ZNF273: variants seen among roughly 807,000 people sequenced by gnomAD.
ZNF273 encodes the protein zinc finger protein 9.
In ZNF273, 11 loss-of-function variants were observed where a neutral mutation model predicts 14.9. The ratio of observed to expected loss-of-function variants is 0.74; its 90% CI spans 0.46 to 1.22. The LOEUF (loss-of-function observed/expected upper bound fraction) is 1.22. ZNF273 is among the 50% of genes most tolerant of loss of function. The pLI is 0.00. For synonymous variants in ZNF273, 199 were observed against 223.9 expected (o/e 0.89, Z 0.99); for missense variants, 577 against 660.6 (o/e 0.87, Z 1.39).
At chr7:64,925,610 G>A (rs985289763) in intron 3 of ZNF273, among the ~76,000 whole-genome samples, 4 of 152,016 alleles carry the variant, frequency 2.6e-5, no homozygotes, top group Non-Finnish European at 2.9e-5. Flanking sequence ...GCTAATTTTT[G>A]TATTTTTTTA....
chr7:64,934,755 T>G (rs1482095479), downstream of ZNF273, among the ~76,000 whole-genome samples: 2 of 147,974 alleles, frequency 1.4e-5, no homozygotes, highest in Non-Finnish European at 3.0e-5. Context: ...AACTTTAGTG[T>G]TTTTTTTTCT....
At position 64,927,802 on chromosome 7, in the gene ZNF273, GCACAAAA is replaced by G; in HGVS notation, c.475_481del (p.His159GlufsTer10). The G allele has an allele frequency of 3.1e-6, 5 of 1,613,922 alleles. No homozygotes were observed. The highest frequency in any genetic ancestry group is 1.3e-5 in the African/African-American group (1 of 75,028). ...GTAAAAGTGCGGATGAGCATAAGGT[GCACAAAA>G]GAGGTTATAATGGACTTAACCAATG... On this transcript the variant is annotated frameshift_variant, in exon 4 of 4. Coordinates refer to ENST00000476120, the MANE Select transcript of ZNF273 (RefSeq NM_021148.3). LOFTEE classifies it low-confidence loss of function (END_TRUNC).
chr7:64,884,663 G>A (rs920229355), downstream of ZNF273, among the ~76,000 whole-genome samples: 7 of 152,106 alleles, frequency 4.6e-5, no homozygotes, highest in Non-Finnish European at 1.0e-4. Flanking sequence ...GGGGTCTCAG[G>A]TATGATTCCA....
intron 2 of ZNF273, chr7:64,878,502 A>G (rs1032663665): frequency 6.6e-6 from 1 of 152,276 alleles, no homozygotes; most frequent in Non-Finnish European, 1.5e-5. Flanking sequence ...ACGGGTGAGA[A>G]TACAATCTGG....
intron 3 of ZNF273, among the ~76,000 whole-genome samples, chr7:64,926,316 C>T (rs888876396): frequency 6.6e-6 from 1 of 152,008 alleles, no homozygotes; most frequent in Admixed American, 6.6e-5. Flanking sequence ...CTGTTGAAAT[C>T]GTGCTTATAT....
At chr7:64,887,214 G>A (rs1371641524) in intron 1 of ZNF273, among the ~76,000 whole-genome samples, 2 of 152,242 alleles carry the variant, frequency 1.3e-5, no homozygotes, top group Admixed American at 6.5e-5. Context: ...TGCTGTGAAT[G>A]TGTGCACGTG....
chr7:64,882,074 G>A (rs1037326224), downstream of ZNF273, among the ~76,000 whole-genome samples: 14 of 152,254 alleles, frequency 9.2e-5, no homozygotes, highest in African/African-American at 3.4e-4. Flanking sequence ...TGAGAAGGGG[G>A]AGCCCCTAAA....
chr7:64,911,858 C>T (rs973665097), intron 1 of ZNF273, among the ~76,000 whole-genome samples: 1 of 152,110 alleles, frequency 6.6e-6, no homozygotes, highest in Non-Finnish European at 1.5e-5. Flanking sequence ...TTGATGTGAG[C>T]ATTTAATGGC....
At chr7:64,912,825 A>ATTTTTTTTTTTT (rs1562959126) in intron 1 of ZNF273, among the ~76,000 whole-genome samples, 10 of 16,846 alleles carry the variant, frequency 5.9e-4, no homozygotes, top group Non-Finnish European at 2.4e-3. Context: ...GATTCATTTT[A>ATTTTTTTTTTTT]GTTTTTTTTT....
At chr7:64,907,788 G>GTA (rs1793220949) in intron 1 of ZNF273, among the ~76,000 whole-genome samples, 1 of 152,184 alleles carries the variant, frequency 6.6e-6, no homozygotes, top group Admixed American at 6.5e-5. Context: ...CTGCTCTCCT[G>GTA]TACACAGACT....
In ZNF273 at chr7:64,885,846, G is replaced by A. The variant is rs1043317735; in HGVS notation, n.274-2727G>A. Among the ~76,000 whole-genome samples the A allele has an allele frequency of 6.6e-5, 10 of 152,324 alleles. No homozygotes were observed. In the South Asian group the frequency reaches 1.7e-3, roughly 25 times the overall value. On this transcript the variant is annotated intron_variant and non_coding_transcript_variant, in intron 1 of 1. Coordinates refer to the ZNF273 transcript ENST00000471926. ...GTGGAGGAGATGAGAAAGTTAGAAG[G>A]AAAGGGAAGGCCCAGATCAGATCTT...
rs183750544 is a variant in ZNF273 at position 64,925,632 on chromosome 7, G to T, written c.326-2022G>T. ...TTTGTATTTTTTTAGTAGAGACAGG[G>T]TTTCACAATGTTGGCCAGGTTGGTC... On this transcript the variant is annotated intron_variant, in intron 3 of 3. Transcript: ENST00000476120. Among the ~76,000 whole-genome samples the T allele has an allele frequency of 7.2e-4, 109 of 152,076 alleles. No individual in the cohort carries two copies. In the East Asian group the frequency reaches 0.021, roughly 29 times the overall value.
intron 3 of ZNF273, chr7:64,923,298 A>C (rs1263901975): frequency 6.6e-6 from 3 of 451,958 alleles, no homozygotes; most frequent in Non-Finnish European, 1.3e-5. Flanking sequence ...ACTGAGTGAC[A>C]GTCCAGTTTT....
downstream of ZNF273, among the ~76,000 whole-genome samples, chr7:64,892,328 G>T (rs1792085068): frequency 6.6e-6 from 1 of 152,196 alleles, no homozygotes; most frequent in South Asian, 2.1e-4. Flanking sequence ...AGGATTAAAT[G>T]AGTTATTATG....
Position 64,928,572 on chromosome 7 carries a change from C to T in ZNF273, c.1244C>T (p.Thr415Ile). 3 of 1,613,812 alleles carry T rather than the reference C, an allele frequency of 1.9e-6. No homozygotes were observed. The highest frequency in any genetic ancestry group is 2.5e-6 in the Non-Finnish European group (3 of 1,179,860). ...TGTGGTAAAGCCTTTAAACGGTCCA[C>T]AACTCTTACTAAACATAAGAGAATT... Reference protein sequence around the residue: ...EECGKAFKRSTTLTKHKRIYT... With the variant: ...EECGKAFKRSITLTKHKRIYT... Residue 415 changes from threonine (T) to isoleucine (I), a missense_variant, in exon 4 of 4, where the codon ACA (threonine) becomes ATA (isoleucine). By Grantham distance (89) the Thr-to-Ile change is moderately conservative (BLOSUM62 -1). Coordinates refer to ENST00000476120, the MANE Select transcript of ZNF273 (RefSeq NM_021148.3).
downstream of ZNF273, chr7:64,893,721 C>T (rs1792194131): frequency 7.3e-6 from 1 of 136,592 alleles, no homozygotes; most frequent in Admixed American, 7.7e-5. Context: ...CCTTCCCCTT[C>T]CCTTCCCTTC....
Position 64,916,977 on chromosome 7 carries a change from T to C in ZNF273, c.103-604T>C. The C allele has an allele frequency of 3.3e-6, 4 of 1,230,300 alleles. No individual in the cohort carries two copies. The South Asian group carries it at 5.7e-5, about 17-fold the overall frequency. The allele number at this position is 1,230,300 out of a possible 1,614,324, so 76.2% of individuals were successfully genotyped here. On this transcript the variant is annotated intron_variant, in intron 1 of 3. Transcript: ENST00000476120. ...GGAAGCTGCCCTTCTTTCTTAGGTT[T>C]CCTTTGTATATATTTGTCTTTGGAA...
chr7:64,912,684 A>G (rs192842359), intron 1 of ZNF273, among the ~76,000 whole-genome samples: 6 of 152,170 alleles, frequency 3.9e-5, no homozygotes, highest in Non-Finnish European at 1.5e-5. Flanking sequence ...CCTGAAAATA[A>G]GGGAGAATAT....
At chr7:64,884,524 A>G (rs1053741131), downstream of ZNF273, among the ~76,000 whole-genome samples, 4 of 152,024 alleles carry the variant, frequency 2.6e-5, no homozygotes, top group African/African-American at 7.3e-5. Flanking sequence ...TCCGTCTTGG[A>G]CTTGCCTTTA....
Sources: allele counts gnomAD v4.1 joint callset (sites outside exome capture counted in the v4.1 genomes callset), GRCh38; gene constraint gnomAD v4.1.1; transcripts MANE v1.5; gene names NCBI Gene and HGNC (gene_info 2026-07-23, HGNC 2026-07-21).